CDH2: variants seen among roughly 807,000 people sequenced by gnomAD.
CDH2 encodes the protein cadherin 2.
Under a neutral mutation model 92.0 loss-of-function variants are expected in CDH2, and 17 were observed. That is an observed-to-expected ratio of 0.18 (90% CI 0.13 to 0.28). The LOEUF is 0.28. Ranked by LOEUF, CDH2 falls within the 10% of genes least tolerant of loss-of-function variation. The pLI, the probability that CDH2 is intolerant of heterozygous loss-of-function variation, is 1.00. For missense variants in CDH2, 862 were observed against 1,133.1 expected (o/e 0.76, Z 3.44); for synonymous variants, 419 against 415.9 (o/e 1.01, Z -0.09).
chr18:28,029,694 T>A (rs931927053), intron 2 of CDH2, among the ~76,000 whole-genome samples: 1 of 152,096 alleles, frequency 6.6e-6, no homozygotes, highest in Non-Finnish European at 1.5e-5. Context: ...TGTAACAGGA[T>A]GGCCATCTCA....
At chr18:28,057,301 G>A (rs1387463681) in intron 2 of CDH2, among the ~76,000 whole-genome samples, 1 of 152,166 alleles carries the variant, frequency 6.6e-6, no homozygotes, top group East Asian at 1.9e-4. Flanking sequence ...TAAATACCAA[G>A]GAAATGCTTT....
At chr18:28,173,239 T>A (rs1456641179) in intron 1 of CDH2, among the ~76,000 whole-genome samples, 1 of 152,152 alleles carries the variant, frequency 6.6e-6, no homozygotes, top group Non-Finnish European at 1.5e-5. Context: ...TAAAAACAAG[T>A]GAGGATACAT....
intron 2 of CDH2, among the ~76,000 whole-genome samples, chr18:28,096,315 A>G (rs1177151629): frequency 6.6e-6 from 1 of 152,184 alleles, no homozygotes; most frequent in Admixed American, 6.5e-5. Context: ...AGTAAATAAT[A>G]TTAGAAAAAG....
chr18:28,027,649 T>C (rs2013589937), intron 2 of CDH2, among the ~76,000 whole-genome samples: 1 of 152,154 alleles, frequency 6.6e-6, no homozygotes, highest in Non-Finnish European at 1.5e-5. Flanking sequence ...ATTAAACTAC[T>C]GGGAAAGCAG....
At chr18:28,144,820 C>T (rs2016010293) in intron 2 of CDH2, among the ~76,000 whole-genome samples, 1 of 151,852 alleles carries the variant, frequency 6.6e-6, no homozygotes, top group Admixed American at 6.6e-5. Context: ...TTTATGATTT[C>T]ACAAAAAACA....
chr18:28,030,924 C>G (rs1599047763), intron 2 of CDH2, among the ~76,000 whole-genome samples: 4 of 151,866 alleles, frequency 2.6e-5, no homozygotes, highest in East Asian at 3.9e-4. Context: ...TGATGACTCC[C>G]TCTCCATCTC....
At chr18:27,956,156 C>T (rs999313549) in intron 15 of CDH2, among the ~76,000 whole-genome samples, 2 of 152,138 alleles carry the variant, frequency 1.3e-5, no homozygotes, top group South Asian at 2.1e-4. Context: ...TATGGGATTC[C>T]TTTATTCTTG....
intron 2 of CDH2, among the ~76,000 whole-genome samples, chr18:28,061,139 C>T (rs542596003): frequency 6.6e-6 from 1 of 152,240 alleles, no homozygotes; most frequent in Admixed American, 6.5e-5. Context: ...TGGTTCTTCT[C>T]AGTGTGGCCA....
chr18:27,955,115 T>C (rs1484668625), intron 15 of CDH2, among the ~76,000 whole-genome samples: 1 of 152,176 alleles, frequency 6.6e-6, no homozygotes, highest in African/African-American at 2.4e-5. Flanking sequence ...TAAGATCACT[T>C]TGTTCAGGTC....
intron 1 of CDH2, among the ~76,000 whole-genome samples, chr18:28,175,796 G>C (rs2016530721): frequency 6.6e-6 from 1 of 152,240 alleles, no homozygotes; most frequent in African/African-American, 2.4e-5. Context: ...AGGGCGACAG[G>C]CAGGGGGACC....
At chr18:28,044,652 A>G (rs1349196806) in intron 2 of CDH2, among the ~76,000 whole-genome samples, 1 of 152,156 alleles carries the variant, frequency 6.6e-6, no homozygotes, top group East Asian at 1.9e-4. Flanking sequence ...AAAAATAATA[A>G]TGGAAAACAC....
intron 2 of CDH2, among the ~76,000 whole-genome samples, chr18:28,071,104 T>C (rs1292640790): frequency 6.6e-6 from 1 of 152,088 alleles, no homozygotes; most frequent in East Asian, 1.9e-4. Flanking sequence ...GGGGATTTTA[T>C]TCTTTGTTGG....
intron 2 of CDH2, chr18:28,036,373 A>T: frequency 1.4e-6 from 1 of 716,084 alleles, no homozygotes; most frequent in Non-Finnish European, 2.5e-6. Context: ...AAAATATAAA[A>T]TGTACTTTGT....
At chr18:28,120,504 C>T (rs1051501006) in intron 2 of CDH2, among the ~76,000 whole-genome samples, 1 of 152,020 alleles carries the variant, frequency 6.6e-6, no homozygotes, top group Non-Finnish European at 1.5e-5. Context: ...TTTGCTATTA[C>T]ATAGTCATAG....
At chr18:28,070,831 A>G (rs928954211) in intron 2 of CDH2, among the ~76,000 whole-genome samples, 1 of 152,204 alleles carries the variant, frequency 6.6e-6, no homozygotes, top group African/African-American at 2.4e-5. Flanking sequence ...CACACCACGA[A>G]TCATGAGCAA....
At chr18:28,169,627 TA>T (rs1324864172) in intron 1 of CDH2, among the ~76,000 whole-genome samples, 1 of 152,210 alleles carries the variant, frequency 6.6e-6, no homozygotes, top group African/African-American at 2.4e-5. Context: ...AAATTAAAAC[TA>T]CAATATATGG....
intron 1 of CDH2, among the ~76,000 whole-genome samples, chr18:28,162,943 C>A (rs752969806): frequency 6.6e-6 from 1 of 152,170 alleles, no homozygotes; most frequent in Non-Finnish European, 1.5e-5. Context: ...AAATATTAAT[C>A]CCCTGTGTCG....
At chr18:28,047,343 G>T (rs541663963) in intron 2 of CDH2, among the ~76,000 whole-genome samples, 3 of 152,284 alleles carry the variant, frequency 2.0e-5, no homozygotes, top group Admixed American at 6.5e-5. Flanking sequence ...TTTTACATCT[G>T]AAGATATCTT....
In CDH2 at chr18:28,047,009, T is replaced by C. The variant is rs138796058; in HGVS notation, c.173-33100A>G. ...GAGATTCTATGAATTTCAAGAATTA[T>C]ACATTACTGGAATGTGCTGAAAACC... On this transcript the variant is annotated intron_variant, in intron 2 of 15. Coordinates refer to ENST00000269141, the MANE Select transcript of CDH2 (RefSeq NM_001792.5). 4.8e-3 allele frequency among the ~76,000 whole-genome samples: 732 copies of C among 152,316 alleles called. 7 individuals are homozygous for C. Among genetic ancestry groups the C allele is most frequent in the African/African-American group, 0.016 (655 of 41,566 alleles).
Sources: allele counts gnomAD v4.1 joint callset (sites outside exome capture counted in the v4.1 genomes callset), GRCh38; gene constraint gnomAD v4.1.1; transcripts MANE v1.5; gene names NCBI Gene and HGNC (gene_info 2026-07-23, HGNC 2026-07-21).